The following MARCHF4 variants were observed in gnomAD, a reference collection of about 807,000 sequenced individuals.
MARCHF4 encodes E3 ubiquitin-protein ligase MARCHF4.
MARCHF4 carries 14 observed loss-of-function variants against 43.9 expected under a neutral mutation model. That is an observed-to-expected ratio of 0.32 (90% CI 0.21 to 0.50). The LOEUF is 0.50. Among genes scored for constraint, MARCHF4 ranks in the 20% least tolerant of loss-of-function variants. The pLI is 0.98. For synonymous variants in MARCHF4, 226 were observed against 213.3 expected (o/e 1.06, Z -0.52); for missense variants, 468 against 536.7 (o/e 0.87, Z 1.27).
In MARCHF4 at chr2:216,259,361, C is replaced by T. The variant is rs745907244; in HGVS notation, c.1184G>A (p.Ser395Asn). The stretch of plus-strand genomic sequence containing the variant: ...CAGCTCTCGGCTGCTGCCTGGGGGA[C>T]TTCGCTGTTCATGAGGTCTCAAGTG... The part of the protein sequence containing the change: ...LSHLRPHEQR[S>N]PPGSSRELVM... Residue 395 changes from serine to asparagine, a missense_variant, in exon 4 of 4, where the codon AGT becomes AAT. Physicochemically the swap from Ser to Asn is conservative, Grantham distance 46 (BLOSUM62 1). This residue lies in a region of MARCHF4 where 120 missense variants were observed against 127.1 expected (regional missense o/e 0.94). Coordinates refer to ENST00000273067, the MANE Select transcript of MARCHF4 (RefSeq NM_020814.3). 5 of 1,590,076 alleles carry T rather than the reference C, an allele frequency of 3.1e-6. No homozygotes were observed. Among genetic ancestry groups the T allele is most frequent in the Non-Finnish European group, 4.3e-6 (5 of 1,164,938 alleles).
At chr2:216,330,161 A>G (rs1692063986) in intron 1 of MARCHF4, among the ~76,000 whole-genome samples, 1 of 152,124 alleles carries the variant, frequency 6.6e-6, no homozygotes, top group African/African-American at 2.4e-5. Context: ...GATACCAGGC[A>G]AAGTAGATTT....
chr2:216,283,056 A>T (rs947557542), intron 2 of MARCHF4, among the ~76,000 whole-genome samples: 1 of 152,142 alleles, frequency 6.6e-6, no homozygotes, highest in Non-Finnish European at 1.5e-5. Flanking sequence ...ATGCACATTG[A>T]TGTATGAGAA....
At chr2:216,362,072 T>C (rs1269418427) in intron 1 of MARCHF4, among the ~76,000 whole-genome samples, 1 of 152,186 alleles carries the variant, frequency 6.6e-6, no homozygotes, top group Non-Finnish European at 1.5e-5. Flanking sequence ...ATGAAATCCA[T>C]GTATTTTGGA....
At chr2:216,273,588 C>A (rs956654881) in intron 3 of MARCHF4, among the ~76,000 whole-genome samples, 3 of 152,196 alleles carry the variant, frequency 2.0e-5, no homozygotes, top group African/African-American at 4.8e-5. Context: ...TGCCAGGGAG[C>A]CTTCTCTTCC....
At chr2:216,277,494 C>T (rs1345247950) in intron 3 of MARCHF4, among the ~76,000 whole-genome samples, 178 bp downstream of exon 3, 1 of 152,082 alleles carries the variant, frequency 6.6e-6, no homozygotes, top group Non-Finnish European at 1.5e-5. Flanking sequence ...TTTTCCCTGC[C>T]TCCTCCCCCT....
At chr2:216,268,185 A>G (rs770656553) in intron 3 of MARCHF4, among the ~76,000 whole-genome samples, 16 of 152,196 alleles carry the variant, frequency 1.1e-4, no homozygotes, top group African/African-American at 3.9e-4. Flanking sequence ...TGGAGGTGAC[A>G]TCAAAATCCT....
intron 1 of MARCHF4, among the ~76,000 whole-genome samples, chr2:216,337,152 G>GAAAAAA (rs749557419): frequency 2.8e-5 from 3 of 107,628 alleles, no homozygotes; most frequent in Admixed American, 1.0e-4. Flanking sequence ...ACTCCCTCTT[G>GAAAAAA]AAAAAAAAAA....
chr2:216,277,639 C>A, intron 3 of MARCHF4, 33 bp downstream of exon 3: 2 of 1,560,752 alleles, frequency 1.3e-6, no homozygotes, highest in South Asian at 2.4e-5. Flanking sequence ...ACATGGTTCC[C>A]CACTTCCCAT....
rs779932039 is a variant in MARCHF4 at position 216,336,741 on chromosome 2, T to TAAA, written c.516+33003_516+33004insTTT. Reference sequence around the variant, plus strand: ...TGGCAAATGGGAAAGGCAAATAGATTTAAAAAAAAAAAAAAAAAAAAAAAA... The same window carrying TAAA: ...TGGCAAATGGGAAAGGCAAATAGATTAAATAAAAAAAAAAAAAAAAAAAAAAAA... On this transcript the variant is annotated intron_variant, in intron 1 of 3. Coordinates refer to ENST00000273067, the MANE Select transcript of MARCHF4 (RefSeq NM_020814.3). Among the ~76,000 whole-genome samples, 357 of 53,948 alleles carry TAAA rather than the reference T, an allele frequency of 6.6e-3. 4 individuals carry two copies. Among genetic ancestry groups the TAAA allele is most frequent in the East Asian group, 0.012 (11 of 912 alleles). The allele number at this position is 53,948 out of a possible 152,430, so 35.4% of individuals were successfully genotyped here.
chr2:216,370,040 G>A lies in MARCHF4; in HGVS notation c.221C>T (p.Ala74Val), dbSNP rs1307565299. Residue 74 changes from alanine (A) to valine (V), a missense_variant, in exon 1 of 4, where the codon GCG (alanine) becomes GTG (valine). Ala to Val is a moderately conservative substitution (Grantham distance 64). Coordinates refer to ENST00000273067, the MANE Select transcript of MARCHF4 (RefSeq NM_020814.3). ...CAGAGCCGGAAGGGTGTTGTTGGCC[G>A]CCAAACCGGGGGGCTGGGGGTCGCC... ...MHGDPQPPGL[A>V]ANNTLPALGA... The A allele has an allele frequency of 5.2e-6, 8 of 1,550,712 alleles. No individual in the cohort carries two copies. Among genetic ancestry groups the A allele is most frequent in the Non-Finnish European group, 7.0e-6 (8 of 1,145,816 alleles).
At chr2:216,360,732 T>G (rs998908410) in intron 1 of MARCHF4, among the ~76,000 whole-genome samples, 1 of 152,228 alleles carries the variant, frequency 6.6e-6, no homozygotes, top group African/African-American at 2.4e-5. Flanking sequence ...ATATCAACAG[T>G]GAACCCTCAT....
chr2:216,332,000 T>A (rs969276028), intron 1 of MARCHF4, among the ~76,000 whole-genome samples: 2 of 152,204 alleles, frequency 1.3e-5, no homozygotes, highest in Admixed American at 1.3e-4. Flanking sequence ...AATATGTAAC[T>A]TGTTATAAGA....
At position 216,372,200 on chromosome 2, in the gene MARCHF4, C is replaced by T. The variant is rs1692781255; in HGVS notation, c.-1940G>A. ...CCGCTGCCCCCACTGGCTCGATTCC[C>T]AAAGGGGTGGTGCTGGAAGGGAGGT... On this transcript the variant is annotated 5_prime_UTR_variant, in exon 1 of 4. Transcript: ENST00000273067. 6.6e-6 allele frequency among the ~76,000 whole-genome samples: 1 copy of T among 152,248 alleles called. No homozygotes were observed. The highest frequency in any genetic ancestry group is 6.5e-5 in the Admixed American group (1 of 15,288).
chr2:216,268,029 A>C (rs1403216327), intron 3 of MARCHF4, among the ~76,000 whole-genome samples: 1 of 152,206 alleles, frequency 6.6e-6, no homozygotes, highest in African/African-American at 2.4e-5. Flanking sequence ...GATAAGCTAC[A>C]TGCAAGTAAC....
intron 3 of MARCHF4, 44 bp downstream of exon 3, chr2:216,277,628 C>G: frequency 6.5e-7 from 1 of 1,540,736 alleles, no homozygotes; most frequent in South Asian, 1.2e-5. Flanking sequence ...ATCCCACGAG[C>G]ACATGGTTCC....
At chr2:216,299,948 G>A (rs1214768609) in intron 1 of MARCHF4, among the ~76,000 whole-genome samples, 1 of 152,158 alleles carries the variant, frequency 6.6e-6, no homozygotes, top group Non-Finnish European at 1.5e-5. Flanking sequence ...ACTTTTCAAT[G>A]CACAAGCACC....
intron 1 of MARCHF4, among the ~76,000 whole-genome samples, chr2:216,354,889 T>C (rs1196027477): frequency 6.6e-6 from 1 of 151,990 alleles, no homozygotes; most frequent in Non-Finnish European, 1.5e-5. Context: ...ATTTAATAAT[T>C]GTTTTCTTTC....
chr2:216,275,396 G>A (rs899632073), intron 3 of MARCHF4, among the ~76,000 whole-genome samples: 1 of 152,186 alleles, frequency 6.6e-6, no homozygotes, highest in African/African-American at 2.4e-5. Context: ...GCCCCCTTGT[G>A]AGTGGGCCCA....
At chr2:216,355,971 G>A (rs1365055656) in intron 1 of MARCHF4, among the ~76,000 whole-genome samples, 1 of 152,152 alleles carries the variant, frequency 6.6e-6, no homozygotes, top group Non-Finnish European at 1.5e-5. Flanking sequence ...TCATTCACCT[G>A]CCGCTGGCTG....
Sources: allele counts gnomAD v4.1 joint callset (sites outside exome capture counted in the v4.1 genomes callset), GRCh38; gene constraint gnomAD v4.1.1; regional missense constraint gnomAD v4.1.1; transcripts MANE v1.5; gene names NCBI Gene and HGNC (gene_info 2026-07-23, HGNC 2026-07-21).